PSMA1: variants seen among roughly 807,000 people sequenced by gnomAD.
The protein encoded by PSMA1 is proteasome subunit alpha type-1.
Under a neutral mutation model 38.4 loss-of-function variants are expected in PSMA1, and 3 were observed. The ratio of observed to expected loss-of-function variants is 0.08; its 90% CI spans 0.04 to 0.20. The LOEUF (loss-of-function observed/expected upper bound fraction) is 0.20. PSMA1 is among the 10% of genes least tolerant of loss of function. PSMA1 has a pLI of 1.00. For synonymous variants in PSMA1, 101 were observed against 107.1 expected (o/e 0.94, Z 0.35); for missense variants, 227 against 325.3 (o/e 0.70, Z 2.32).
intron 2 of PSMA1, among the ~76,000 whole-genome samples, chr11:14,561,866 A>AAAC (rs1458894530): frequency 6.7e-6 from 1 of 149,034 alleles, no homozygotes; most frequent in African/African-American, 2.5e-5. Context: ...AAACTAAACT[A>AAAC]TAAACTAAAC....
chr11:14,527,573 A>G (rs1310647763), intron 2 of PSMA1, among the ~76,000 whole-genome samples: 1 of 151,978 alleles, frequency 6.6e-6, no homozygotes, highest in African/African-American at 2.4e-5. Context: ...TTCCCTACAC[A>G]TCAAGCTCGG....
At chr11:14,518,727 CT>C (rs1851476564) in intron 2 of PSMA1, among the ~76,000 whole-genome samples, 1 of 152,164 alleles carries the variant, frequency 6.6e-6, no homozygotes. Context: ...CTGTTTTACT[CT>C]CTCTATATAT....
Position 14,558,771 on chromosome 11 carries a change from G to C in PSMA1, c.22-39730C>G, listed in dbSNP as rs543576211. ...GCCACTGGGAGGGGGCTAGGTTGTG[G>C]TTTCCATCCTCCCTGTCCAGTTGGT... On this transcript the variant is annotated intron_variant, in intron 2 of 10. Coordinates refer to the PSMA1 transcript ENST00000418988. 5.3e-5 allele frequency among the ~76,000 whole-genome samples: 8 copies of C among 152,360 alleles called. No individual in the cohort carries two copies. In the South Asian group the frequency reaches 1.7e-3, roughly 32 times the overall value.
chr11:14,576,302 T>C (rs1325858130), intron 2 of PSMA1, among the ~76,000 whole-genome samples: 1 of 152,214 alleles, frequency 6.6e-6, no homozygotes, highest in South Asian at 2.1e-4. Flanking sequence ...CATTTGTCAA[T>C]TTTGGCTTTT....
At chr11:14,550,076 T>G (rs1429309724) in intron 2 of PSMA1, among the ~76,000 whole-genome samples, 1 of 152,192 alleles carries the variant, frequency 6.6e-6, no homozygotes, top group Non-Finnish European at 1.5e-5. Context: ...TGAGATGCAA[T>G]GGAGACCATA....
intron 1 of PSMA1, 106 bp from the exon 2 acceptor site, chr11:14,519,147 C>T (rs1851482920): frequency 1.1e-6 from 1 of 920,660 alleles, no homozygotes; most frequent in Non-Finnish European, 1.8e-6. Flanking sequence ...TGTTAAGGCA[C>T]TCTGTTCATG....
intron 2 of PSMA1, among the ~76,000 whole-genome samples, chr11:14,539,464 T>C (rs1457043439): frequency 6.6e-6 from 1 of 152,094 alleles, no homozygotes; most frequent in Non-Finnish European, 1.5e-5. Flanking sequence ...AGTGCCAGCT[T>C]TTAGAAAGCT....
At chr11:14,542,933 G>C (rs1851788769) in intron 2 of PSMA1, among the ~76,000 whole-genome samples, 1 of 152,050 alleles carries the variant, frequency 6.6e-6, no homozygotes, top group Non-Finnish European at 1.5e-5. Context: ...TCGGCTCACT[G>C]TAACCTCCGC....
Position 14,519,026 on chromosome 11 carries a change from C to G in PSMA1, c.19G>C (p.Asp7His). MFRNQYDNDVTVWSPQG... is the reference protein window; with the variant it reads MFRNQYHNDVTVWSPQG... ...GGGCTCCAAACAGTGACATCATTGT[C>G]ATACTGATTTCGAAACTAAAAGTAA... Residue 7 changes from aspartate to histidine, a missense_variant, in exon 2 of 10, where the codon GAC (aspartate) becomes CAC (histidine). By Grantham distance (81) the Asp-to-His change is moderately conservative. Coordinates refer to ENST00000396394, the MANE Select transcript of PSMA1 (RefSeq NM_002786.4). 6.3e-7 allele frequency: 1 copy of G among 1,592,348 alleles called. No homozygotes were observed. Among genetic ancestry groups the G allele is most frequent in the Non-Finnish European group, 8.6e-7 (1 of 1,167,040 alleles).
intron 2 of PSMA1, among the ~76,000 whole-genome samples, chr11:14,565,442 C>T (rs1167474004): frequency 6.6e-6 from 1 of 152,004 alleles, no homozygotes; most frequent in African/African-American, 2.4e-5. Flanking sequence ...ATTTTATTCG[C>T]TTTTTCTAGG....
chr11:14,532,604 CAAAA>C (rs1426581772), intron 2 of PSMA1, among the ~76,000 whole-genome samples: 1 of 87,174 alleles, frequency 1.1e-5, no homozygotes, highest in Non-Finnish European at 2.4e-5. Flanking sequence ...GACTCCGTCT[CAAAA>C]AAAAAAAAAA....
chr11:14,533,011 C>G (rs1851666911), intron 2 of PSMA1, among the ~76,000 whole-genome samples: 1 of 152,180 alleles, frequency 6.6e-6, no homozygotes, highest in Non-Finnish European at 1.5e-5. Flanking sequence ...TACTATCCAT[C>G]TAGAGAAGGG....
intron 5 of PSMA1, 77 bp downstream of exon 5, chr11:14,514,326 T>C: frequency 2.0e-6 from 3 of 1,468,156 alleles, no homozygotes; most frequent in Non-Finnish European, 2.7e-6. Context: ...CATATTATTA[T>C]TATATTCCTA....
chr11:14,508,572 A>AAAAAAAAAAAC (rs1851288295), intron 8 of PSMA1, among the ~76,000 whole-genome samples: 1 of 149,758 alleles, frequency 6.7e-6, no homozygotes, highest in African/African-American at 2.4e-5. Flanking sequence ...AAAAAAAAAA[A>AAAAAAAAAAAC]AAAAACCCAG....
At chr11:14,523,266 C>G (rs368133382), upstream of PSMA1, among the ~76,000 whole-genome samples, 6 of 152,192 alleles carry the variant, frequency 3.9e-5, no homozygotes, top group Admixed American at 6.5e-5. Context: ...TTAAAAACAA[C>G]AACAACAACA....
At chr11:14,607,598 G>A (rs1453116374) in intron 2 of PSMA1, among the ~76,000 whole-genome samples, 1 of 152,160 alleles carries the variant, frequency 6.6e-6, no homozygotes, top group African/African-American at 2.4e-5. Context: ...AGAAGCAGAC[G>A]CCAAGAAAGG....
chr11:14,568,022 T>C (rs1381337927), intron 2 of PSMA1, among the ~76,000 whole-genome samples: 1 of 152,230 alleles, frequency 6.6e-6, no homozygotes, highest in African/African-American at 2.4e-5. Flanking sequence ...CTAGGTTATG[T>C]ATTGATTGGT....
At position 14,553,720 on chromosome 11, in the gene PSMA1, C is replaced by G. The variant is rs936997660; in HGVS notation, c.22-34679G>C. ...CACCACAGTTTGTTTAGCCATTCAC[C>G]CATTGAAGGACATTTGGGTTGTTTC... On this transcript the variant is annotated intron_variant, in intron 2 of 10. Coordinates refer to the PSMA1 transcript ENST00000418988. Among the ~76,000 whole-genome samples the G allele has an allele frequency of 2.0e-5, 3 of 152,170 alleles. No individual in the cohort carries two copies. The East Asian group carries it at 5.8e-4, about 29-fold the overall frequency.
chr11:14,565,522 T>C (rs925145811), intron 2 of PSMA1, among the ~76,000 whole-genome samples: 7 of 152,208 alleles, frequency 4.6e-5, no homozygotes, highest in Non-Finnish European at 1.0e-4. Context: ...TTTAGTGCCA[T>C]GAATTTCTCT....
Sources: gnomAD v4.1 joint callset for allele counts (sites outside exome capture counted in the v4.1 genomes callset) on GRCh38, gnomAD v4.1.1 for gene constraint, MANE v1.5 for transcripts, NCBI Gene and HGNC (gene_info 2026-07-23, HGNC 2026-07-21) for gene names.